The following UQCRC2 variants were observed in gnomAD, a reference collection of about 807,000 sequenced individuals.
UQCRC2 encodes the protein cytochrome b-c1 complex subunit 2, mitochondrial.
A neutral mutation model predicts 55.6 loss-of-function variants in UQCRC2; 49 were observed. The ratio of observed to expected loss-of-function variants is 0.88; its 90% CI spans 0.70 to 1.12. The LOEUF (loss-of-function observed/expected upper bound fraction) is 1.12, where lower values mean the gene tolerates loss of function less well. Among genes scored for constraint, UQCRC2 ranks in the 50% most tolerant of loss-of-function variants. The pLI is 0.00. For missense variants in UQCRC2, 506 were observed against 547.8 expected (o/e 0.92, Z 0.76); for synonymous variants, 193 against 192.0 (o/e 1.01, Z -0.04).
intron 10 of UQCRC2, 115 bp from the exon 11 acceptor site, chr16:21,973,781 T>C: frequency 4.8e-6 from 4 of 831,188 alleles, no homozygotes; most frequent in Non-Finnish European, 7.7e-6. Context: ...AAGTAAAATA[T>C]TAATCTATTT....
At chr16:21,979,164 C>T (rs912433809) in intron 12 of UQCRC2, among the ~76,000 whole-genome samples, 1 of 152,184 alleles carries the variant, frequency 6.6e-6, no homozygotes, top group Admixed American at 6.5e-5. Context: ...GTGGAGTTGT[C>T]TGTGGTGACA....
At chr16:21,981,494 C>T (rs1188143983) in intron 13 of UQCRC2, among the ~76,000 whole-genome samples, 1 of 152,140 alleles carries the variant, frequency 6.6e-6, no homozygotes, top group Non-Finnish European at 1.5e-5. Context: ...TGGCTCATTC[C>T]TGTAATCCCA....
At chr16:21,960,450 C>G (rs1412430781) in intron 4 of UQCRC2, among the ~76,000 whole-genome samples, 1 of 152,216 alleles carries the variant, frequency 6.6e-6, no homozygotes, top group East Asian at 1.9e-4. Flanking sequence ...ACAGTTTGAT[C>G]TAATCCAGAC....
chr16:21,962,541 C>G, intron 5 of UQCRC2, 25 bp downstream of exon 5: 15 of 1,613,892 alleles, frequency 9.3e-6, no homozygotes, highest in Non-Finnish European at 1.3e-5. Context: ...GTGTTTAGGA[C>G]TTCTGCTTTG....
chr16:21,973,159 G>A (rs1898504338), intron 10 of UQCRC2, among the ~76,000 whole-genome samples: 1 of 152,078 alleles, frequency 6.6e-6, no homozygotes, highest in South Asian at 2.1e-4. Flanking sequence ...GCTTTACGTG[G>A]ACTGAGCCAA....
intron 6 of UQCRC2, among the ~76,000 whole-genome samples, chr16:21,965,164 GTT>G (rs1393169469): frequency 6.6e-6 from 1 of 152,178 alleles, no homozygotes; most frequent in African/African-American, 2.4e-5. Context: ...TAGAAAAGTG[GTT>G]TAGGTGGACT....
chr16:21,982,049 C>G (rs1350381996), intron 13 of UQCRC2, among the ~76,000 whole-genome samples: 3 of 151,774 alleles, frequency 2.0e-5, no homozygotes, highest in African/African-American at 7.3e-5. Context: ...ACCATGTTAG[C>G]CAGGATGGTC....
chr16:21,983,012 G>A, intron 13 of UQCRC2, 76 bp from the exon 14 acceptor site: 5 of 1,004,304 alleles, frequency 5.0e-6, no homozygotes, highest in Non-Finnish European at 5.9e-6. Context: ...TTCTTGAAAT[G>A]ACAAAATAAG....
chr16:21,977,701 A>G (rs1268531356), intron 12 of UQCRC2, among the ~76,000 whole-genome samples: 2 of 152,256 alleles, frequency 1.3e-5, no homozygotes, highest in Non-Finnish European at 2.9e-5. Flanking sequence ...GACTCCATCT[A>G]CTTAGAACAA....
In UQCRC2 at chr16:21,972,008, T is replaced by C; in HGVS notation, c.852T>C (p.Asn284=). 1 of 1,614,142 alleles carries C rather than the reference T, an allele frequency of 6.2e-7. No homozygotes were observed. Residue 284 remains asparagine, a synonymous_variant, in exon 10 of 14, where the codon AAT becomes AAC. Coordinates refer to ENST00000268379, the MANE Select transcript of UQCRC2 (RefSeq NM_003366.4). ...CTGTCGCGGGAAGTGCAGAGGCAAA[T>C]GCATTTAGTGTTCTTCAGCATGTCC... ...ESAVAGSAEA[N]AFSVLQHVLG...
intron 6 of UQCRC2, among the ~76,000 whole-genome samples, chr16:21,963,677 C>T (rs1831606162): frequency 1.3e-5 from 2 of 151,786 alleles, no homozygotes; most frequent in African/African-American, 4.8e-5. Flanking sequence ...CTCTATTGCC[C>T]AGGCTGGTCT....
chr16:21,956,630 T>C (rs188406302), intron 1 of UQCRC2, among the ~76,000 whole-genome samples: 3 of 152,260 alleles, frequency 2.0e-5, no homozygotes, highest in Admixed American at 2.0e-4. Context: ...GAAACTTTTA[T>C]AAGGTAACTG....
At position 21,958,613 on chromosome 16, in the gene UQCRC2, G is replaced by A; in HGVS notation, c.332+14G>A. The A allele has an allele frequency of 6.2e-7, 1 of 1,605,864 alleles. No individual in the cohort carries two copies. Among genetic ancestry groups the A allele is most frequent in the East Asian group, 2.2e-5 (1 of 44,674 alleles). On this transcript the variant is annotated intron_variant, in intron 4 of 13. Coordinates refer to ENST00000268379, the MANE Select transcript of UQCRC2 (RefSeq NM_003366.4). The stretch of plus-strand genomic sequence containing the variant: ...TGGCAAATTAAGGTTTGTTAAATAA[G>A]TAATAGAAAATAGTGAAAATGCCAG...
chr16:21,981,053 C>T (rs1474319774), intron 13 of UQCRC2, among the ~76,000 whole-genome samples: 1 of 152,116 alleles, frequency 6.6e-6, no homozygotes, highest in African/African-American at 2.4e-5. Context: ...TGTTAGATGA[C>T]TAGAAGTAAA....
rs1287685921 is a variant in UQCRC2 at position 21,971,588 on chromosome 16, G to T, written c.734G>T (p.Gly245Val). Residue 245 changes from glycine (G) to valine (V), a missense_variant, in exon 9 of 14, where the codon GGT (glycine) becomes GTT (valine). By Grantham distance (109) the Gly-to-Val change is moderately radical (BLOSUM62 -3). Transcript: ENST00000268379. ...EQFLNMRGGL[G>V]LSGAKANYRG... ...TTTCTCAACATGAGGGGTGGGCTTG[G>T]TTTATCTGGTGCAAAGGCCAACTAC... 2.5e-6 allele frequency: 4 copies of T among 1,614,050 alleles called. No individual in the cohort carries two copies. The highest frequency in any genetic ancestry group is 1.3e-5 in the African/African-American group (1 of 74,916).
chr16:21,967,162 G>A (rs1403273910), intron 7 of UQCRC2, among the ~76,000 whole-genome samples: 1 of 152,110 alleles, frequency 6.6e-6, no homozygotes, highest in African/African-American at 2.4e-5. Flanking sequence ...AGAATACTTG[G>A]AGCAATGGCA....
Position 21,953,392 on chromosome 16 carries a change from G to T in UQCRC2, c.-32G>T, listed in dbSNP as rs201397873. ...CACCATCTTGCTTTCCTTTAATCCG[G>T]CAGTGACCGTGTGTCAGAACAATCT... On this transcript the variant is annotated 5_prime_UTR_variant, in exon 1 of 14. Coordinates refer to ENST00000268379, the MANE Select transcript of UQCRC2 (RefSeq NM_003366.4). 1,862 of 1,610,950 alleles carry T rather than the reference G, an allele frequency of 1.2e-3. 28 individuals are homozygous for T. The South Asian group carries it at 0.013, about 11-fold the overall frequency.
At chr16:21,981,664 G>C (rs1264427188) in intron 13 of UQCRC2, among the ~76,000 whole-genome samples, 1 of 151,816 alleles carries the variant, frequency 6.6e-6, no homozygotes, top group Admixed American at 6.6e-5. Flanking sequence ...TCATGGGGCT[G>C]AGGTGGGAAG....
At chr16:21,968,228 G>A (rs1196745176) in intron 7 of UQCRC2, among the ~76,000 whole-genome samples, 1 of 151,974 alleles carries the variant, frequency 6.6e-6, no homozygotes. Context: ...TCTCAAACTC[G>A]TGGCCTCAAA....
Sources: gnomAD v4.1 joint callset for allele counts (sites outside exome capture counted in the v4.1 genomes callset) on GRCh38, gnomAD v4.1.1 for gene constraint, MANE v1.5 for transcripts, NCBI Gene and HGNC (gene_info 2026-07-23, HGNC 2026-07-21) for gene names.